The following ADGRF1 variants were observed in gnomAD, a reference collection of about 807,000 sequenced individuals.
ADGRF1 encodes G protein-coupled receptor 110.
A neutral mutation model predicts 87.2 loss-of-function variants in ADGRF1; 85 were observed. That is an observed-to-expected ratio of 0.97 (90% CI 0.82 to 1.17). The LOEUF (loss-of-function observed/expected upper bound fraction) is 1.17. Ranked by LOEUF, ADGRF1 falls within the 50% of genes most tolerant of loss-of-function variation. ADGRF1 has a pLI of 0.00. For missense variants in ADGRF1, 1,169 were observed against 1,077.2 expected (o/e 1.09, Z -1.19); for synonymous variants, 430 against 408.8 (o/e 1.05, Z -0.63).
In ADGRF1 at chr6:47,012,027, C is replaced by A. The variant is rs200664922; in HGVS notation, c.1096G>T (p.Val366Leu). 3.7e-6 allele frequency: 6 copies of A among 1,613,716 alleles called. No individual in the cohort carries two copies. In the African/African-American group the frequency reaches 8.0e-5, roughly 22 times the overall value. ...SSLSLASHFRVSNSTMEDVIS... is the reference protein window; with the variant it reads ...SSLSLASHFRLSNSTMEDVIS... Reference sequence around the variant, plus strand: ...CATACCTCCATTGTTGAATTGGACACCCTGAAATGGCTGGCCAGTGACAGA... The same window carrying A: ...CATACCTCCATTGTTGAATTGGACAACCTGAAATGGCTGGCCAGTGACAGA... Residue 366 changes from valine to leucine, a missense_variant, in exon 10 of 15, where the codon GTG (valine) becomes TTG (leucine). Transcript: ENST00000371253.
intron 1 of ADGRF1, among the ~76,000 whole-genome samples, chr6:47,029,484 T>C (rs1443579488): frequency 6.6e-6 from 1 of 152,214 alleles, no homozygotes; most frequent in African/African-American, 2.4e-5. Context: ...CCAAAGACTC[T>C]GTAAACCATT....
chr6:47,019,474 G>A (rs1490357996), intron 7 of ADGRF1: 3 of 553,548 alleles, frequency 5.4e-6, no homozygotes, highest in East Asian at 2.9e-4. Flanking sequence ...ACGAGGTCAG[G>A]AGATCGAGAC....
intron 1 of ADGRF1, among the ~76,000 whole-genome samples, chr6:47,033,161 C>A (rs1470678217): frequency 6.6e-6 from 1 of 152,172 alleles, no homozygotes; most frequent in Admixed American, 6.5e-5. Context: ...GCTGCTGGGG[C>A]CAGTGATGCC....
intron 6 of ADGRF1, among the ~76,000 whole-genome samples, chr6:47,021,725 A>G (rs1486558127): frequency 6.6e-6 from 1 of 152,218 alleles, no homozygotes; most frequent in Non-Finnish European, 1.5e-5. Flanking sequence ...ATATTGCTAA[A>G]ATAAGTGAGC....
Position 47,009,362 on chromosome 6 carries a change from A to G in ADGRF1, c.2073T>C (p.His691=), listed in dbSNP as rs1190950143. 1.2e-6 allele frequency: 2 copies of G among 1,614,166 alleles called. No individual in the cohort carries two copies. The highest frequency in any genetic ancestry group is 1.3e-5 in the African/African-American group (1 of 75,044). Residue 691 remains histidine (H), a synonymous_variant, in exon 11 of 15, where the codon CAT becomes CAC. Transcript: ENST00000371253. ...CCATCATCAAATGCTGGGCCATGTG[A>G]TGGAACACGAGGATGATCCGGTAAG... ...LLAYRIILVF[H]HMAQHLMMAV... is the part of the protein sequence containing the mutation.
chr6:47,014,368 T>G (rs1002885075), intron 9 of ADGRF1: 5 of 1,053,102 alleles, frequency 4.7e-6, no homozygotes, highest in Middle Eastern at 8.7e-4. Flanking sequence ...CTTCTGGACT[T>G]CTGAGGCCAG....
chr6:47,016,974 C>A (rs1779901496), intron 7 of ADGRF1: 2 of 414,176 alleles, frequency 4.8e-6, no homozygotes, highest in African/African-American at 2.1e-5. Context: ...ATAAATACAT[C>A]TGTATATATA....
chr6:47,006,620 C>T (rs1206851198), intron 12 of ADGRF1, among the ~76,000 whole-genome samples: 2 of 151,944 alleles, frequency 1.3e-5, no homozygotes, highest in African/African-American at 2.4e-5. Context: ...TCTGATGCAC[C>T]CATCACCTGA....
chr6:47,013,154 G>T, intron 9 of ADGRF1: 2 of 985,404 alleles, frequency 2.0e-6, no homozygotes, highest in Non-Finnish European at 2.4e-6. Flanking sequence ...GCAAAGGAAG[G>T]CAGTCCCCTT....
chr6:47,025,191 A>G (rs1189302399), intron 4 of ADGRF1, among the ~76,000 whole-genome samples: 1 of 152,114 alleles, frequency 6.6e-6, no homozygotes, highest in Non-Finnish European at 1.5e-5. Flanking sequence ...AAGTCACCAG[A>G]CACCTTTGTG....
At position 47,009,625 on chromosome 6, in the gene ADGRF1, G is replaced by A. The variant is rs770874837; in HGVS notation, c.1810C>T (p.Leu604=). ...TTCCAAAACAAAGCCTCGATGATCA[G>A]GCATAAAATGAGACTTCCAATGGAG... ...GISIGSLILC[L]IIEALFWKQI... is the part of the protein sequence containing the mutation. The change falls in exon 11 of 15, where the codon CTG becomes TTG. Residue 604 remains leucine, a synonymous_variant. Coordinates refer to ENST00000371253, the MANE Select transcript of ADGRF1 (RefSeq NM_153840.4). The A allele has an allele frequency of 6.2e-7, 1 of 1,614,172 alleles. No homozygotes were observed. Among genetic ancestry groups the A allele is most frequent in the Admixed American group, 1.7e-5 (1 of 60,012 alleles).
chr6:47,027,514 T>G (rs1023466970), intron 3 of ADGRF1, among the ~76,000 whole-genome samples, 190 bp downstream of exon 3: 4 of 152,232 alleles, frequency 2.6e-5, no homozygotes, highest in Non-Finnish European at 4.4e-5. Context: ...TAAGACACTG[T>G]GCTCTCATGA....
chr6:47,032,002 A>C (rs1780444835), intron 1 of ADGRF1, among the ~76,000 whole-genome samples: 1 of 152,210 alleles, frequency 6.6e-6, no homozygotes, highest in African/African-American at 2.4e-5. Flanking sequence ...CCACCATGCC[A>C]GGGCAGCCCA....
rs566284320 is a variant in ADGRF1, at chr6:47,000,273, A to T, written c.2682T>A (p.Thr894=). 160 of 1,604,030 alleles carry T rather than the reference A, an allele frequency of 1.0e-4. 2 individuals are homozygous for T. The South Asian group carries it at 1.7e-3, about 17-fold the overall frequency. ...GCATGATGTTGTCGGAGGAATCTCCAGTATGAGAAAATGCATAATGGCCTG... is the reference window on the plus strand; with the variant it reads ...GCATGATGTTGTCGGAGGAATCTCCTGTATGAGAAAATGCATAATGGCCTG... ...QNKGHYAFSH[T]GDSSDNIMLT... is the part of the protein sequence containing the mutation. Residue 894 remains threonine, a synonymous_variant, in exon 15 of 15, where the codon ACT becomes ACA. Transcript: ENST00000371253.
intron 12 of ADGRF1, among the ~76,000 whole-genome samples, 190 bp from the exon 13 acceptor site, chr6:47,006,066 A>G (rs546127353): frequency 6.6e-6 from 1 of 152,334 alleles, no homozygotes; most frequent in East Asian, 1.9e-4. Context: ...ACTAGAGTTC[A>G]ACAAAGAACA....
chr6:47,019,695 A>AAAAG lies in ADGRF1; in HGVS notation c.611+1035_611+1036insCTTT, dbSNP rs1554136201. 1.5e-4 allele frequency: 136 copies of AAAAG among 936,028 alleles called. No individual in the cohort carries two copies. The Middle Eastern group carries it at 6.0e-3, about 41-fold the overall frequency. The allele number at this position is 936,028 out of a possible 1,614,324, so 58.0% of individuals were successfully genotyped here. On this transcript the variant is annotated intron_variant, in intron 7 of 14. Coordinates refer to ENST00000371253, the MANE Select transcript of ADGRF1 (RefSeq NM_153840.4). ...CGAGACTCCATCTCAAAAAAAAAAA[A>AAAAG]AAAAGAAAAGAAAAGAAAAGAGAAA...
At chr6:47,030,920 G>A (rs1240684578) in intron 1 of ADGRF1, among the ~76,000 whole-genome samples, 7 of 151,850 alleles carry the variant, frequency 4.6e-5, no homozygotes, top group Admixed American at 1.3e-4. Flanking sequence ...GCATCACAAC[G>A]CCTGGCTAAT....
intron 1 of ADGRF1, among the ~76,000 whole-genome samples, chr6:47,040,335 G>T (rs1780701040): frequency 6.6e-6 from 1 of 151,998 alleles, no homozygotes; most frequent in African/African-American, 2.4e-5. Context: ...AGCCAGGCAT[G>T]GTGGTGGATG....
chr6:47,033,501 C>T (rs1257319837), intron 1 of ADGRF1, among the ~76,000 whole-genome samples: 1 of 152,220 alleles, frequency 6.6e-6, no homozygotes, highest in East Asian at 1.9e-4. Flanking sequence ...GAACTCTGCG[C>T]TGTTTCTCTG....
Sources: allele counts gnomAD v4.1 joint callset (sites outside exome capture counted in the v4.1 genomes callset), GRCh38; gene constraint gnomAD v4.1.1; transcripts MANE v1.5; gene names NCBI Gene and HGNC (gene_info 2026-07-23, HGNC 2026-07-21).